LRRC37B: variants seen among roughly 807,000 people sequenced by gnomAD.
LRRC37B encodes leucine-rich repeat-containing protein 37B.
In LRRC37B, 28 loss-of-function variants were observed where a neutral mutation model predicts 98.3. That is an observed-to-expected ratio of 0.28 (90% CI 0.21 to 0.39). The LOEUF is 0.39. Among genes scored for constraint, LRRC37B ranks in the 10% least tolerant of loss-of-function variants. The pLI is 1.00. For synonymous variants in LRRC37B, 364 were observed against 442.7 expected, an observed-to-expected ratio of 0.82 and a Z score of 2.23; for missense variants, 938 against 1,182.7, an observed-to-expected ratio of 0.79 and a Z score of 3.03.
intron 7 of LRRC37B, among the ~76,000 whole-genome samples, chr17:32,037,275 C>G (rs141196816): frequency 1.4e-5 from 2 of 147,488 alleles, no homozygotes; most frequent in African/African-American, 5.0e-5. Context: ...GCCACCATGT[C>G]CAGCCCAGCA....
chr17:32,019,445 A>C (rs1474165556), upstream of LRRC37B, among the ~76,000 whole-genome samples: 1 of 152,188 alleles, frequency 6.6e-6, no homozygotes, highest in Non-Finnish European at 1.5e-5. Context: ...TGGTGAAATC[A>C]CCTGACACAT....
Position 32,025,271 on chromosome 17 carries a change from A to C in LRRC37B, c.1832+489A>C, listed in dbSNP as rs541783358. On this transcript the variant is annotated intron_variant, in intron 2 of 11. Transcript: ENST00000327564. ...GGCTGGTCTTGAGCTCCTGGGCTCA[A>C]GTGATCCTCCCACCTTGGCCTCCTA... Among the ~76,000 whole-genome samples, 27 of 150,260 alleles carry C rather than the reference A, an allele frequency of 1.8e-4. 1 individual carries two copies. The East Asian group carries it at 4.7e-3, about 26-fold the overall frequency.
Position 32,036,781 on chromosome 17 carries a change from AAAC to A in LRRC37B, c.2204+1144_2204+1146del, listed in dbSNP as rs373605546. 1.2e-4 allele frequency among the ~76,000 whole-genome samples: 18 copies of A among 152,212 alleles called. 1 individual carries two copies. The South Asian group carries it at 1.9e-3, about 16-fold the overall frequency. ...TTGCAATTATGAATAAAACTCCTAA[AAAC>A]ACTCATATACAGGTCTTTGTGTGAA... On this transcript the variant is annotated intron_variant, in intron 7 of 11. Transcript: ENST00000327564.
intron 7 of LRRC37B, chr17:32,041,511 A>G (rs1475328201): frequency 3.6e-6 from 2 of 563,030 alleles, no homozygotes; most frequent in African/African-American, 1.9e-5. Context: ...GGACGTGCTC[A>G]TGCCTCTGCC....
chr17:32,043,186 A>G (rs2470256), intron 7 of LRRC37B, among the ~76,000 whole-genome samples: 5 of 152,256 alleles, frequency 3.3e-5, no homozygotes, highest in Non-Finnish European at 7.3e-5. Flanking sequence ...ACAGGTGTTC[A>G]TTATACCATT....
In LRRC37B at chr17:32,024,699, C is replaced by A. The variant is rs371923939; in HGVS notation, c.1761-12C>A. The A allele has an allele frequency of 3.4e-5, 55 of 1,607,244 alleles. No individual in the cohort carries two copies. In the African/African-American group the frequency reaches 6.1e-4, roughly 18 times the overall value. On this transcript the variant is annotated splice_polypyrimidine_tract_variant and intron_variant, in intron 1 of 11. Transcript: ENST00000327564. ...GTGCCTATTCAAGGATATAAACTGT[C>A]TTTCTTTGCAGAAATTTCCAAGGAA...
chr17:32,042,042 A>G (rs1911455036), intron 7 of LRRC37B: 1 of 347,130 alleles, frequency 2.9e-6, no homozygotes, highest in Non-Finnish European at 5.7e-6. Context: ...GCCCCACTCC[A>G]GGGCCACAGT....
intron 5 of LRRC37B, among the ~76,000 whole-genome samples, chr17:32,034,676 G>A (rs771547538): frequency 1.9e-4 from 28 of 151,078 alleles, no homozygotes; most frequent in Non-Finnish European, 3.1e-4. Flanking sequence ...TCCATTTCTT[G>A]TGTGTTTTTT....
chr17:32,027,469 C>CTG (rs1910998613), intron 2 of LRRC37B, among the ~76,000 whole-genome samples: 1 of 72,768 alleles, frequency 1.4e-5, no homozygotes, highest in Non-Finnish European at 2.7e-5. Flanking sequence ...GTGTGCTTGC[C>CTG]TGTGTGTGTG....
upstream of LRRC37B, among the ~76,000 whole-genome samples, chr17:32,019,490 C>T (rs1453563874): frequency 2.0e-5 from 3 of 152,192 alleles, no homozygotes; most frequent in African/African-American, 7.2e-5. Flanking sequence ...CAATGCATGA[C>T]TGCATATGAA....
At chr17:32,035,566 G>A (rs749528761) in exon 7 of LRRC37B, 6 of 1,611,454 alleles carry the variant, frequency 3.7e-6, no homozygotes, top group Non-Finnish European at 5.1e-6. Flanking sequence ...CTTCTTCAGA[G>A]ACATGGGAAC....
chr17:32,040,785 A>G lies in LRRC37B; in HGVS notation c.2205-4915A>G, dbSNP rs192091251. Reference sequence around the variant, plus strand: ...CGCACTGCTGGATGCCGGCGAGTCCATGAAGCACCTGGCAGAGGTGAAGGA... The same window carrying G: ...CGCACTGCTGGATGCCGGCGAGTCCGTGAAGCACCTGGCAGAGGTGAAGGA... On this transcript the variant is annotated intron_variant, in intron 7 of 11. Transcript: ENST00000327564. 494 of 835,642 alleles carry G rather than the reference A, an allele frequency of 5.9e-4. 5 individuals carry two copies. The African/African-American group carries it at 7.6e-3, about 13-fold the overall frequency. The allele number at this position is 835,642 out of a possible 1,614,324, so 51.8% of individuals were successfully genotyped here. A position where few individuals can be genotyped will look rare whatever the true frequency, so the allele number is the denominator to read the frequency against.
chr17:32,021,232 T>C (rs947399800), exon 1 of LRRC37B: 14 of 1,612,700 alleles, frequency 8.7e-6, no homozygotes, highest in Non-Finnish European at 1.2e-5. Flanking sequence ...CAGCCTCTGG[T>C]GTGGGTCAAG....
intron 7 of LRRC37B, chr17:32,040,296 A>C (rs987622416): frequency 2.1e-5 from 7 of 327,908 alleles, no homozygotes; most frequent in African/African-American, 1.5e-4. Flanking sequence ...AGACTAAAGA[A>C]TCATGAACTC....
chr17:32,038,658 A>C (rs561132268), intron 7 of LRRC37B, among the ~76,000 whole-genome samples: 23 of 152,236 alleles, frequency 1.5e-4, no homozygotes, highest in African/African-American at 5.1e-4. Flanking sequence ...GGAGTTCGAG[A>C]CCATCCTGGC....
At chr17:32,020,775 A>G, upstream of LRRC37B, 1 of 544,176 alleles carries the variant, frequency 1.8e-6, no homozygotes. Context: ...CCAGAACTGG[A>G]CTAGCACTTC....
chr17:32,026,676 G>A (rs1022031007), intron 2 of LRRC37B, among the ~76,000 whole-genome samples: 7 of 152,178 alleles, frequency 4.6e-5, no homozygotes, highest in Non-Finnish European at 7.3e-5. Flanking sequence ...TGATTCATGT[G>A]CCTTGGCTTT....
At chr17:32,015,681 G>A (rs774118888) in intron 1 of LRRC37B, among the ~76,000 whole-genome samples, 17 of 152,122 alleles carry the variant, frequency 1.1e-4, no homozygotes, top group Admixed American at 2.0e-4. Context: ...TTTAATCTTG[G>A]CATGACTTTA....
chr17:32,039,522 A>ATATATATG (rs1567617779), intron 7 of LRRC37B, among the ~76,000 whole-genome samples: 2 of 10,960 alleles, frequency 1.8e-4, no homozygotes, highest in African/African-American at 7.6e-4. Context: ...ATATATATAT[A>ATATATATG]TGTATGTATT....
Sources: allele counts gnomAD v4.1 joint callset (sites outside exome capture counted in the v4.1 genomes callset), GRCh38; gene constraint gnomAD v4.1.1; transcripts MANE v1.5; gene names NCBI Gene and HGNC (gene_info 2026-07-23, HGNC 2026-07-21).